LRRTM3: variants seen among roughly 807,000 people sequenced by gnomAD.
The protein encoded by LRRTM3 is leucine-rich repeat transmembrane neuronal protein 3.
Under a neutral mutation model 44.7 loss-of-function variants are expected in LRRTM3, and 24 were observed. The observed-to-expected ratio is 0.54, with a 90% confidence interval of 0.39 to 0.76. The LOEUF is 0.76. LRRTM3 is among the 30% of genes least tolerant of loss of function. The probability of loss-of-function intolerance (pLI) is 0.00; values close to 1 mark genes in which losing one functional copy is unlikely to be tolerated. For synonymous variants in LRRTM3, 277 were observed against 278.7 expected, an observed-to-expected ratio of 0.99 and a Z score of 0.06; for missense variants, 587 against 702.2, an observed-to-expected ratio of 0.84 and a Z score of 1.85.
chr10:67,048,836 T>A (rs1854909963), intron 2 of LRRTM3, among the ~76,000 whole-genome samples: 1 of 152,106 alleles, frequency 6.6e-6, no homozygotes, highest in African/African-American at 2.4e-5. Flanking sequence ...GTCTCACCGT[T>A]CCCAGCTCAT....
intron 2 of LRRTM3, among the ~76,000 whole-genome samples, chr10:67,091,739 C>A (rs1857655527): frequency 6.6e-6 from 1 of 151,858 alleles, no homozygotes; most frequent in African/African-American, 2.4e-5. Context: ...AAGTAACTGG[C>A]AAATCATGGG....
chr10:67,085,023 A>T (rs940280399), intron 2 of LRRTM3, among the ~76,000 whole-genome samples: 6 of 151,994 alleles, frequency 3.9e-5, no homozygotes, highest in Admixed American at 3.9e-4. Flanking sequence ...ATGATACTGA[A>T]GATCTTAACC....
intron 2 of LRRTM3, among the ~76,000 whole-genome samples, chr10:66,938,226 T>C (rs1009732353): frequency 6.6e-6 from 1 of 152,120 alleles, no homozygotes; most frequent in Non-Finnish European, 1.5e-5. Flanking sequence ...TCATTTACCA[T>C]TTAACGGGCT....
At chr10:66,961,147 A>G (rs1018548647) in intron 2 of LRRTM3, among the ~76,000 whole-genome samples, 9 of 152,350 alleles carry the variant, frequency 5.9e-5, no homozygotes, top group African/African-American at 2.2e-4. Flanking sequence ...TTTCAAAAAA[A>G]GTTACGAACA....
At chr10:67,058,065 C>A (rs1855546050) in intron 2 of LRRTM3, among the ~76,000 whole-genome samples, 1 of 152,186 alleles carries the variant, frequency 6.6e-6, no homozygotes, top group Admixed American at 6.5e-5. Context: ...CCTGTCATGT[C>A]TTTCAACTAA....
Position 67,064,626 on chromosome 10 carries a change from T to C in LRRTM3, c.1537-32961T>C, listed in dbSNP as rs538464459. Among the ~76,000 whole-genome samples the C allele has an allele frequency of 2.0e-5, 3 of 152,314 alleles. No individual in the cohort carries two copies. In the South Asian group the frequency reaches 6.2e-4, roughly 32 times the overall value. On this transcript the variant is annotated intron_variant, in intron 2 of 2. Coordinates refer to ENST00000361320, the MANE Select transcript of LRRTM3 (RefSeq NM_178011.5). The stretch of plus-strand genomic sequence containing the variant: ...ATTTCTGTCCATGTCAATAAGGTTA[T>C]TCACAGAAGGCAAAGAAAAAATATT...
intron 2 of LRRTM3, among the ~76,000 whole-genome samples, chr10:66,932,510 T>C (rs908626426): frequency 2.0e-5 from 3 of 152,158 alleles, no homozygotes; most frequent in South Asian, 2.1e-4. Context: ...TCCAGATCTG[T>C]AGCTAACCCA....
chr10:66,994,714 A>T (rs1851234254), intron 2 of LRRTM3, among the ~76,000 whole-genome samples: 1 of 152,238 alleles, frequency 6.6e-6, no homozygotes, highest in Non-Finnish European at 1.5e-5. Context: ...GATAAGGAAT[A>T]GCTTGATGAC....
chr10:67,017,654 T>G (rs1420188468), intron 2 of LRRTM3, among the ~76,000 whole-genome samples: 1 of 152,090 alleles, frequency 6.6e-6, no homozygotes, highest in East Asian at 1.9e-4. Flanking sequence ...TATTTGAAAA[T>G]ATTTCTTTCT....
intron 2 of LRRTM3, among the ~76,000 whole-genome samples, chr10:66,939,869 G>A (rs573348157): frequency 2.5e-4 from 38 of 152,124 alleles, no homozygotes; most frequent in African/African-American, 9.2e-4. Context: ...CATTGTACTT[G>A]TAACAATCTT....
chr10:67,074,165 T>C (rs897790645), intron 2 of LRRTM3, among the ~76,000 whole-genome samples: 2 of 150,278 alleles, frequency 1.3e-5, no homozygotes, highest in African/African-American at 4.9e-5. Flanking sequence ...CCCAAGTAGC[T>C]GGGACTATAG....
At chr10:67,022,246 A>C (rs1295284970) in intron 2 of LRRTM3, among the ~76,000 whole-genome samples, 3 of 152,160 alleles carry the variant, frequency 2.0e-5, no homozygotes, top group Non-Finnish European at 4.4e-5. Context: ...CTACAGAAGC[A>C]CTCTGGAAAT....
At chr10:66,928,719 AC>A (rs1228285074) in intron 2 of LRRTM3, among the ~76,000 whole-genome samples, 4 of 152,158 alleles carry the variant, frequency 2.6e-5, no homozygotes, top group Non-Finnish European at 5.9e-5. Flanking sequence ...ATTGTATAAG[AC>A]CCTTTACTGA....
At chr10:67,036,968 G>A (rs1854099958) in intron 2 of LRRTM3, among the ~76,000 whole-genome samples, 2 of 152,168 alleles carry the variant, frequency 1.3e-5, no homozygotes, top group South Asian at 2.1e-4. Context: ...ACAACCCAAA[G>A]GGAGTGACTC....
At chr10:66,976,098 T>C (rs1483600861) in intron 2 of LRRTM3, among the ~76,000 whole-genome samples, 4 of 152,186 alleles carry the variant, frequency 2.6e-5, no homozygotes, top group African/African-American at 9.6e-5. Flanking sequence ...TAGGTGCTAG[T>C]AGCTTTGTAT....
intron 2 of LRRTM3, among the ~76,000 whole-genome samples, chr10:66,996,553 CAGG>C (rs748185390): frequency 2.2e-4 from 31 of 143,030 alleles, no homozygotes; most frequent in East Asian, 2.0e-3. Context: ...GAGGCTGAGG[CAGG>C]AGAATTGCTT....
At chr10:66,984,599 G>A (rs372290112) in intron 2 of LRRTM3, among the ~76,000 whole-genome samples, 7 of 152,044 alleles carry the variant, frequency 4.6e-5, no homozygotes, top group Admixed American at 1.3e-4. Context: ...TTCTCAATGC[G>A]TTCATGATTC....
intron 2 of LRRTM3, among the ~76,000 whole-genome samples, chr10:67,008,554 A>G (rs959065946): frequency 6.6e-6 from 1 of 152,158 alleles, no homozygotes; most frequent in African/African-American, 2.4e-5. Flanking sequence ...GTGAGTTAGC[A>G]AGGCAATTCT....
intron 2 of LRRTM3, chr10:67,054,836 T>C (rs1855327521): frequency 6.6e-6 from 1 of 152,160 alleles, no homozygotes; most frequent in Non-Finnish European, 1.5e-5. Context: ...TTTAAGTAGT[T>C]GTGAGGTAGG....
Sources: gnomAD v4.1 joint callset for allele counts (sites outside exome capture counted in the v4.1 genomes callset) on GRCh38, gnomAD v4.1.1 for gene constraint, MANE v1.5 for transcripts, NCBI Gene and HGNC (gene_info 2026-07-23, HGNC 2026-07-21) for gene names.